Variants in LAMP1 observed in about 807,000 individuals in gnomAD.
LAMP1 encodes the protein lysosome-associated membrane glycoprotein 1.
Under a neutral mutation model 37.5 loss-of-function variants are expected in LAMP1, and 7 were observed. The ratio of observed to expected loss-of-function variants is 0.19; its 90% CI spans 0.11 to 0.35. LAMP1 has a LOEUF of 0.35. LAMP1 is among the 10% of genes least tolerant of loss of function. The pLI is 1.00. For synonymous variants in LAMP1, 236 were observed against 229.1 expected, an observed-to-expected ratio of 1.03 and a Z score of -0.27; for missense variants, 537 against 552.8, an observed-to-expected ratio of 0.97 and a Z score of 0.29.
chr13:113,321,830 GTT>G lies in LAMP1; in HGVS notation c.1114+104_1114+105del. 1.7e-6 allele frequency: 2 copies of G among 1,170,268 alleles called. No homozygotes were observed. The highest frequency in any genetic ancestry group is 1.2e-6 in the Non-Finnish European group (1 of 820,346). 72.5% of individuals were successfully genotyped at this position (1,170,268 alleles called of 1,614,324 possible). A position where few individuals can be genotyped will look rare whatever the true frequency, so the allele number is the denominator to read the frequency against. On this transcript the variant is annotated intron_variant, in intron 8 of 8. Coordinates refer to ENST00000332556, the MANE Select transcript of LAMP1 (RefSeq NM_005561.4). The surrounding 1 kb of genome is among the most constrained non-coding windows in gnomAD (Gnocchi z 5.6). ...CCGTGTGGGCTGGGGCGACGCCCCT[GTT>G]CCTCTGCAAGGAGCTGTTTCTTCTT... is the stretch of plus-strand genomic sequence containing the variant.
chr13:113,322,503 T>G lies in LAMP1; in HGVS notation c.*82T>G. The G allele has an allele frequency of 7.3e-7, 1 of 1,367,776 alleles. No individual in the cohort carries two copies. The highest frequency in any genetic ancestry group is 1.4e-5 in the South Asian group (1 of 70,050). The allele number at this position is 1,367,776 out of a possible 1,614,324, so 84.7% of individuals were successfully genotyped here. A position where few individuals can be genotyped will look rare whatever the true frequency, so the allele number is the denominator to read the frequency against. On this transcript the variant is annotated 3_prime_UTR_variant, in exon 9 of 9. Transcript: ENST00000332556. Reference sequence around the variant, plus strand: ...GGGTCCTGTCGAAGGGGAGGCACACTTTCTGGCAAACGTTTCTCAAATCTG... The same window carrying G: ...GGGTCCTGTCGAAGGGGAGGCACACGTTCTGGCAAACGTTTCTCAAATCTG...
rs72485698 is a variant in LAMP1 at position 113,307,787 on chromosome 13, T to C, written c.183+1181T>C. Reference sequence around the variant, plus strand: ...AAATCCAAGACATAGTAAGATCTTATCTCTTTTTTAAAAAAAAAAAAAAAA... The same window carrying C: ...AAATCCAAGACATAGTAAGATCTTACCTCTTTTTTAAAAAAAAAAAAAAAA... On this transcript the variant is annotated intron_variant, in intron 2 of 8. Coordinates refer to ENST00000332556, the MANE Select transcript of LAMP1 (RefSeq NM_005561.4). 0.017 allele frequency among the ~76,000 whole-genome samples: 1,299 copies of C among 75,994 alleles called. 74 individuals are homozygous for C. The East Asian group carries it at 0.23, about 13-fold the overall frequency. The allele number at this position is 75,994 out of a possible 152,430, so 49.9% of individuals were successfully genotyped here. A position where few individuals can be genotyped will look rare whatever the true frequency, so the allele number is the denominator to read the frequency against.
chr13:113,316,421 ATTTTT>A (rs11358802), intron 4 of LAMP1, among the ~76,000 whole-genome samples: 1 of 115,900 alleles, frequency 8.6e-6, no homozygotes, highest in Non-Finnish European at 1.8e-5. Context: ...ATTTGGCATG[ATTTTT>A]TTTTTTTTTT....
In LAMP1 at chr13:113,322,514, C is replaced by T. The variant is rs1419176313; in HGVS notation, c.*93C>T. 9.6e-6 allele frequency: 12 copies of T among 1,251,532 alleles called. No homozygotes were observed. The South Asian group carries it at 1.8e-4, about 19-fold the overall frequency. 77.5% of individuals were successfully genotyped at this position (1,251,532 alleles called of 1,614,324 possible). ...AAGGGGAGGCACACTTTCTGGCAAACGTTTCTCAAATCTGCTTCATCCAAT... is the reference window on the plus strand; with the variant it reads ...AAGGGGAGGCACACTTTCTGGCAAATGTTTCTCAAATCTGCTTCATCCAAT... On this transcript the variant is annotated 3_prime_UTR_variant, in exon 9 of 9. Transcript: ENST00000332556.
intron 4 of LAMP1, among the ~76,000 whole-genome samples, chr13:113,317,696 CTTTTT>C (rs1223185402): frequency 7.5e-6 from 1 of 133,414 alleles, no homozygotes; most frequent in African/African-American, 2.8e-5. Context: ...CGTGAAGCTG[CTTTTT>C]TTTTTTTTTT....
At chr13:113,314,335 G>A (rs2042648702) in intron 4 of LAMP1, among the ~76,000 whole-genome samples, 1 of 131,764 alleles carries the variant, frequency 7.6e-6, no homozygotes. Flanking sequence ...AGCCAGTGCG[G>A]AGATGCCCGT....
At chr13:113,300,482 A>G (rs1164377185) in intron 1 of LAMP1, among the ~76,000 whole-genome samples, 2 of 135,578 alleles carry the variant, frequency 1.5e-5, no homozygotes, top group African/African-American at 6.2e-5. Flanking sequence ...TCGAAACTCA[A>G]TGTCAAAAAA....
At chr13:113,316,403 C>A (rs1315258995) in intron 4 of LAMP1, among the ~76,000 whole-genome samples, 2 of 147,338 alleles carry the variant, frequency 1.4e-5, no homozygotes, top group Non-Finnish European at 3.0e-5. Flanking sequence ...TGTCTCATCT[C>A]CCACCCAATT....
chr13:113,308,104 T>A (rs558837195), intron 2 of LAMP1, among the ~76,000 whole-genome samples: 1 of 151,912 alleles, frequency 6.6e-6, no homozygotes, highest in Non-Finnish European at 1.5e-5. Flanking sequence ...GTCTTCCACC[T>A]CCCAGGTTTG....
At chr13:113,315,382 CTT>C (rs1158608278) in intron 4 of LAMP1, among the ~76,000 whole-genome samples, 33 of 60,430 alleles carry the variant, frequency 5.5e-4, no homozygotes, top group African/African-American at 8.8e-4. Context: ...TGTATCTTGT[CTT>C]TTTTTTTTTT....
chr13:113,309,975 T>C (rs1325971826), intron 3 of LAMP1, 113 bp downstream of exon 3: 6 of 812,610 alleles, frequency 7.4e-6, no homozygotes, highest in South Asian at 4.9e-5. Context: ...ACACCTGTAA[T>C]CCTAGCACTT....
chr13:113,297,582 G>C lies in LAMP1; in HGVS notation c.61+87G>C. 2 of 1,164,728 alleles carry C rather than the reference G, an allele frequency of 1.7e-6. No homozygotes were observed. Among genetic ancestry groups the C allele is most frequent in the Non-Finnish European group, 2.1e-6 (2 of 937,264 alleles). The allele number at this position is 1,164,728 out of a possible 1,614,324, so 72.1% of individuals were successfully genotyped here. A position where few individuals can be genotyped will look rare whatever the true frequency, so the allele number is the denominator to read the frequency against. ...CTTGAGGGCGGGGGACTGCCGGGTC[G>C]TTGTCCCGCGGGTCGCCCCGCACCC... On this transcript the variant is annotated intron_variant, in intron 1 of 8. Coordinates refer to ENST00000332556, the MANE Select transcript of LAMP1 (RefSeq NM_005561.4). The surrounding 1 kb of genome is among the most constrained non-coding windows in gnomAD (Gnocchi z 4.4).
At chr13:113,322,249 C>G (rs752047300) in intron 8 of LAMP1, 33 bp from the exon 9 acceptor site, 45 of 1,586,246 alleles carry the variant, frequency 2.8e-5, no homozygotes, top group Non-Finnish European at 3.9e-5. Context: ...CCTGTGTGAG[C>G]AGAGCCCTGA....
chr13:113,316,781 C>T (rs1231123420), intron 4 of LAMP1, among the ~76,000 whole-genome samples: 2 of 150,350 alleles, frequency 1.3e-5, no homozygotes, highest in South Asian at 2.1e-4. Flanking sequence ...TGGAAGGAAT[C>T]GATGGTAAAA....
At chr13:113,307,436 G>A (rs1204154318) in intron 2 of LAMP1, among the ~76,000 whole-genome samples, 2 of 152,034 alleles carry the variant, frequency 1.3e-5, no homozygotes, top group Admixed American at 6.6e-5. Context: ...GGAATTACAG[G>A]GGTGAGCCAC....
chr13:113,319,735 G>A (rs539527803), intron 5 of LAMP1, 79 bp downstream of exon 5: 111 of 1,339,846 alleles, frequency 8.3e-5, no homozygotes, highest in Admixed American at 2.3e-4. Context: ...CTGAGAACAC[G>A]CGTCTCTGCA....
intron 4 of LAMP1, among the ~76,000 whole-genome samples, chr13:113,316,858 A>G (rs1323469709): frequency 1.3e-5 from 2 of 151,134 alleles, no homozygotes; most frequent in Admixed American, 1.3e-4. Flanking sequence ...TGGCAGAGCA[A>G]CTGAGACTCT....
intron 2 of LAMP1, 111 bp from the exon 3 acceptor site, chr13:113,309,532 C>A: frequency 1.3e-6 from 1 of 794,066 alleles, no homozygotes; most frequent in Non-Finnish European, 2.0e-6. Context: ...GTAGTGATAT[C>A]TTAGTTGGAA....
chr13:113,299,356 C>G (rs1035390152), intron 1 of LAMP1, among the ~76,000 whole-genome samples: 7 of 149,312 alleles, frequency 4.7e-5, no homozygotes, highest in Admixed American at 3.3e-4. Flanking sequence ...CTTCTGCCTC[C>G]TGGGTTCGAG....
Sources: gnomAD v4.1 joint callset for allele counts (sites outside exome capture counted in the v4.1 genomes callset) on GRCh38, gnomAD v4.1.1 for gene constraint, Gnocchi (gnomAD v3.1) non-coding constraint, MANE v1.5 for transcripts, NCBI Gene and HGNC (gene_info 2026-07-23, HGNC 2026-07-21) for gene names.